Variants in ATAD2B observed in about 807,000 individuals in gnomAD.
ATAD2B encodes the protein ATPase family AAA domain containing 2B, also known as ATPase family AAA domain-containing protein 2B.
ATAD2B carries 40 observed loss-of-function variants against 167.6 expected under a neutral mutation model. That is an observed-to-expected ratio of 0.24 (90% CI 0.19 to 0.31). The LOEUF is 0.31. Ranked by LOEUF, ATAD2B falls within the 10% of genes least tolerant of loss-of-function variation. The probability of loss-of-function intolerance (pLI) is 1.00; values close to 1 mark genes in which losing one functional copy is unlikely to be tolerated. For missense variants in ATAD2B, 1,242 were observed against 1,757.2 expected (o/e 0.71, Z 5.24); for synonymous variants, 579 against 596.5 (o/e 0.97, Z 0.43).
At chr2:23,834,926 T>G (rs1689686138) in intron 13 of ATAD2B, among the ~76,000 whole-genome samples, 1 of 152,022 alleles carries the variant, frequency 6.6e-6, no homozygotes, top group South Asian at 2.1e-4. Flanking sequence ...GGCAAAAAAT[T>G]TGTATAGACA....
chr2:23,917,871 C>T (rs922001779), intron 1 of ATAD2B, among the ~76,000 whole-genome samples: 66 of 151,944 alleles, frequency 4.3e-4, no homozygotes, highest in Admixed American at 3.5e-3. Context: ...CCAGCCTGAC[C>T]AACATGGAGA....
intron 1 of ATAD2B, among the ~76,000 whole-genome samples, chr2:23,911,649 T>C (rs1398432023): frequency 6.6e-6 from 1 of 151,956 alleles, no homozygotes; most frequent in Non-Finnish European, 1.5e-5. Context: ...AATACAAGTC[T>C]TAAGAACAAT....
intron 8 of ATAD2B, among the ~76,000 whole-genome samples, chr2:23,875,358 G>A (rs1696668125): frequency 6.6e-6 from 1 of 151,754 alleles, no homozygotes; most frequent in Non-Finnish European, 1.5e-5. Context: ...AAATTAGCTG[G>A]GCATGGTGGC....
the ATAD2B span, among the ~76,000 whole-genome samples, chr2:23,684,912 C>A: frequency 6.6e-6 from 1 of 152,184 alleles, no homozygotes; most frequent in African/African-American, 2.4e-5. This position sits in a 1 kb window ranked among gnomAD's most constrained non-coding sequence, Gnocchi z 4.4. Flanking sequence ...CACACTGCCC[C>A]CACCGGGCCA....
chr2:23,818,835 T>C (rs1440782030), intron 17 of ATAD2B, among the ~76,000 whole-genome samples: 1 of 152,194 alleles, frequency 6.6e-6, no homozygotes, highest in Non-Finnish European at 1.5e-5. Flanking sequence ...TAAAATTACA[T>C]TTGCACTAAA....
chr2:23,872,175 C>T (rs574786491), intron 8 of ATAD2B: 143 of 300,502 alleles, frequency 4.8e-4, no homozygotes, highest in Middle Eastern at 2.4e-3. Flanking sequence ...CATGCCCAGC[C>T]TGTTTCTGTT....
At chr2:23,844,979 G>GA (rs1691512168) in intron 13 of ATAD2B, among the ~76,000 whole-genome samples, 1 of 150,030 alleles carries the variant, frequency 6.7e-6, no homozygotes, top group East Asian at 1.9e-4. Context: ...AATGTACCCA[G>GA]AAAAAAGATA....
chr2:23,730,404 T>C, the ATAD2B span, among the ~76,000 whole-genome samples: 4 of 152,006 alleles, frequency 2.6e-5, no homozygotes, highest in African/African-American at 9.7e-5. Context: ...CAGTGGCTCA[T>C]GCCTGTAATC....
the ATAD2B span, among the ~76,000 whole-genome samples, chr2:23,734,827 C>A: frequency 6.6e-6 from 1 of 152,190 alleles, no homozygotes; most frequent in Non-Finnish European, 1.5e-5. Flanking sequence ...CTATCTCCCA[C>A]AGCACCTCAA....
chr2:23,720,837 T>G, the ATAD2B span, among the ~76,000 whole-genome samples: 1 of 152,046 alleles, frequency 6.6e-6, no homozygotes, highest in Admixed American at 6.5e-5. Flanking sequence ...GAACACAAAG[T>G]GTGCCCTCCA....
In ATAD2B at chr2:23,926,838, G is replaced by A. The variant is rs1025729930; in HGVS notation, c.-68C>T. 914 of 1,447,100 alleles carry A rather than the reference G, an allele frequency of 6.3e-4. 1 individual carries two copies. The highest frequency in any genetic ancestry group is 7.8e-4 in the Non-Finnish European group (854 of 1,100,054). The allele number at this position is 1,447,100 out of a possible 1,614,324, so 89.6% of individuals were successfully genotyped here. A position where few individuals can be genotyped will look rare whatever the true frequency, so the allele number is the denominator to read the frequency against. On this transcript the variant is annotated 5_prime_UTR_variant, in exon 1 of 28. Transcript: ENST00000238789. ...CCGAGCAAGGCCGGCCCGCCGGCCG[G>A]TCAGTCAGGGCCAGCGGAGCCGAGC...
At chr2:23,880,406 T>C (rs975117977) in intron 7 of ATAD2B, among the ~76,000 whole-genome samples, 2 of 151,978 alleles carry the variant, frequency 1.3e-5, no homozygotes, top group African/African-American at 4.8e-5. Flanking sequence ...GCCAGGATGG[T>C]CTCGAGCTCC....
chr2:23,797,630 T>A (rs1682822079), intron 19 of ATAD2B, among the ~76,000 whole-genome samples: 1 of 152,168 alleles, frequency 6.6e-6, no homozygotes, highest in African/African-American at 2.4e-5. Flanking sequence ...TTTTAAAATA[T>A]GTGCATATAT....
At chr2:23,837,531 G>T (rs1450059871) in intron 13 of ATAD2B, among the ~76,000 whole-genome samples, 1 of 152,154 alleles carries the variant, frequency 6.6e-6, no homozygotes, top group Admixed American at 6.5e-5. Context: ...ACTCAAAAGG[G>T]GTGGGATTCC....
At chr2:23,760,504 T>TA (rs1676516614) in intron 24 of ATAD2B, among the ~76,000 whole-genome samples, 1 of 150,968 alleles carries the variant, frequency 6.6e-6, no homozygotes, top group South Asian at 2.1e-4. Context: ...CTACTAAAAA[T>TA]ACAAAAAAAT....
intron 17 of ATAD2B, among the ~76,000 whole-genome samples, chr2:23,815,865 ACTTAT>A (rs1415848345): frequency 3.9e-5 from 6 of 152,136 alleles, no homozygotes; most frequent in Non-Finnish European, 7.4e-5. Flanking sequence ...TCCCCATAGT[ACTTAT>A]CTTCTAACAG....
At chr2:23,733,138 G>GT in the ATAD2B span, among the ~76,000 whole-genome samples, 1 of 152,184 alleles carries the variant, frequency 6.6e-6, no homozygotes, top group African/African-American at 2.4e-5. Flanking sequence ...AACATGCTCA[G>GT]TTTTTTCACT....
chr2:23,896,550 T>C (rs1700180137), intron 1 of ATAD2B, among the ~76,000 whole-genome samples: 1 of 152,184 alleles, frequency 6.6e-6, no homozygotes. Flanking sequence ...TATATATCTT[T>C]TTTGTATGAC....
chr2:23,689,547 C>G, the ATAD2B span: 4 of 152,334 alleles, frequency 2.6e-5, no homozygotes, highest in African/African-American at 7.2e-5. Flanking sequence ...TCCTGAAGTC[C>G]CCCTGGGCTC....
Sources: allele counts gnomAD v4.1 joint callset (sites outside exome capture counted in the v4.1 genomes callset), GRCh38; gene constraint gnomAD v4.1.1; non-coding constraint Gnocchi (gnomAD v3.1); transcripts MANE v1.5; gene names NCBI Gene and HGNC (gene_info 2026-07-23, HGNC 2026-07-21).